HCN1: variants seen among roughly 807,000 people sequenced by gnomAD.
The protein encoded by HCN1 is potassium/sodium hyperpolarization-activated cyclic nucleotide-gated channel 1.
A neutral mutation model predicts 78.9 loss-of-function variants in HCN1; 13 were observed. The ratio of observed to expected loss-of-function variants is 0.16; its 90% confidence interval spans 0.11 to 0.26. HCN1 has a LOEUF of 0.26. Among genes scored for constraint, HCN1 ranks in the 10% least tolerant of loss-of-function variants. The pLI is 1.00. For missense variants in HCN1, 810 were observed against 1,154.3 expected, an observed-to-expected ratio of 0.70 and a Z score of 4.32; for synonymous variants, 552 against 455.5, an observed-to-expected ratio of 1.21 and a Z score of -2.70.
chr5:45,500,931 C>G (rs1335120614), intron 2 of HCN1, among the ~76,000 whole-genome samples: 1 of 152,176 alleles, frequency 6.6e-6, no homozygotes, highest in Non-Finnish European at 1.5e-5. Context: ...ACAAAATTCA[C>G]ATCAACAAAT....
rs902635416 is a variant in HCN1, at chr5:45,255,383, A to G, written c.*6538T>C. The G allele has an allele frequency of 1.3e-5, 2 of 152,112 alleles. No individual in the cohort carries two copies. The highest frequency in any genetic ancestry group is 4.8e-5 in the African/African-American group (2 of 41,412). The allele number at this position is 152,112 out of a possible 1,614,324, so 9.4% of individuals were successfully genotyped here. On this transcript the variant is annotated 3_prime_UTR_variant, in exon 8 of 8. Transcript: ENST00000303230. ...CCTCCTCTAGGACTTACTAGTTCCA[A>G]TTTTTTCAATATTAATACACATATG...
chr5:45,498,785 T>C (rs1240791508), intron 2 of HCN1, among the ~76,000 whole-genome samples: 1 of 152,124 alleles, frequency 6.6e-6, no homozygotes, highest in Non-Finnish European at 1.5e-5. Flanking sequence ...TTGTGTTTGT[T>C]AGTTTTCCTT....
chr5:45,627,549 C>G (rs1745193100), intron 2 of HCN1, among the ~76,000 whole-genome samples: 1 of 152,144 alleles, frequency 6.6e-6, no homozygotes. Context: ...TCCTACATTT[C>G]TGCTGTAACA....
At chr5:45,406,198 A>G (rs1005289354) in intron 3 of HCN1, among the ~76,000 whole-genome samples, 7 of 152,148 alleles carry the variant, frequency 4.6e-5, no homozygotes, top group African/African-American at 1.7e-4. Flanking sequence ...GTGATGTTTC[A>G]ATTACAATTA....
intron 1 of HCN1, among the ~76,000 whole-genome samples, chr5:45,654,803 C>G (rs1299548336): frequency 1.3e-5 from 2 of 152,120 alleles, no homozygotes; most frequent in African/African-American, 4.8e-5. Context: ...GAATTATTTT[C>G]TGTCTAATTA....
At chr5:45,481,164 G>A (rs1332355792) in intron 2 of HCN1, among the ~76,000 whole-genome samples, 4 of 152,290 alleles carry the variant, frequency 2.6e-5, no homozygotes, top group Admixed American at 6.5e-5. Context: ...AACACATTCT[G>A]GCATTGACTT....
At chr5:45,342,581 A>G (rs1272817155) in intron 5 of HCN1, among the ~76,000 whole-genome samples, 1 of 152,082 alleles carries the variant, frequency 6.6e-6, no homozygotes, top group Non-Finnish European at 1.5e-5. Flanking sequence ...ATTGAAGTAT[A>G]TTTCCAAAAG....
intron 6 of HCN1, among the ~76,000 whole-genome samples, chr5:45,296,934 G>C (rs1364711982): frequency 6.6e-6 from 1 of 151,870 alleles, no homozygotes; most frequent in Non-Finnish European, 1.5e-5. Context: ...TATCCACAAG[G>C]AAATTGGATC....
intron 2 of HCN1, among the ~76,000 whole-genome samples, chr5:45,567,558 TACACACACAC>T (rs36230541): frequency 0.011 from 1,416 of 132,976 alleles, 12 homozygotes; most frequent in African/African-American, 0.016. Flanking sequence ...CATTTTAGGC[TACACACACAC>T]ACACACACAC....
chr5:45,585,162 C>T lies in HCN1; in HGVS notation c.849+60023G>A, dbSNP rs191961492. 4.0e-3 allele frequency among the ~76,000 whole-genome samples: 613 copies of T among 152,288 alleles called. 1 individual carries two copies. The highest frequency in any genetic ancestry group is 5.5e-3 in the Non-Finnish European group (372 of 68,018). ...GCATTCTCCCCGTCACTTTCAGGTA[C>T]ACCAATCAGATGTAGATTTGGCCTT... is the stretch of plus-strand genomic sequence containing the variant. On this transcript the variant is annotated intron_variant, in intron 2 of 7. Coordinates refer to ENST00000303230, the MANE Select transcript of HCN1 (RefSeq NM_021072.4).
chr5:45,571,208 T>C (rs1743826131), intron 2 of HCN1, among the ~76,000 whole-genome samples: 1 of 152,180 alleles, frequency 6.6e-6, no homozygotes. Context: ...TTCATTGGTG[T>C]GTCCACTAGT....
intron 2 of HCN1, among the ~76,000 whole-genome samples, chr5:45,625,622 T>C (rs1207289712): frequency 6.6e-6 from 1 of 151,052 alleles, no homozygotes; most frequent in Non-Finnish European, 1.5e-5. Flanking sequence ...GAGAAAACTT[T>C]AAAAAAAAGA....
chr5:45,434,306 C>T lies in HCN1; in HGVS notation c.1011+27540G>A, dbSNP rs113714761. Among the ~76,000 whole-genome samples the T allele has an allele frequency of 7.4e-3, 1,123 of 152,284 alleles. 13 individuals are homozygous for T. The highest frequency in any genetic ancestry group is 0.026 in the African/African-American group (1,077 of 41,564). On this transcript the variant is annotated intron_variant, in intron 3 of 7. Transcript: ENST00000303230. ...TATTGGTAATACCCTTGGAGACACA[C>T]TTGTGGTCTGTCCTTTAGGACATCT...
At chr5:45,642,538 G>C (rs536450765) in intron 2 of HCN1, 11 of 152,044 alleles carry the variant, frequency 7.2e-5, no homozygotes, top group Admixed American at 5.9e-4. Flanking sequence ...ATTTAGAACA[G>C]TGGCAGCTTC....
intron 2 of HCN1, among the ~76,000 whole-genome samples, chr5:45,520,819 G>C (rs1364490730): frequency 6.6e-6 from 1 of 151,876 alleles, no homozygotes; most frequent in African/African-American, 2.4e-5. Context: ...GAGATGAAAA[G>C]ACATACTACT....
intron 1 of HCN1, among the ~76,000 whole-genome samples, chr5:45,681,328 G>T (rs1288334865): frequency 3.3e-5 from 5 of 151,978 alleles, no homozygotes; most frequent in Admixed American, 2.6e-4. Context: ...TGTTTGTTTG[G>T]ATTTTGATCT....
At chr5:45,530,799 T>C (rs182094228) in intron 2 of HCN1, among the ~76,000 whole-genome samples, 10 of 152,286 alleles carry the variant, frequency 6.6e-5, no homozygotes, top group African/African-American at 2.2e-4. Context: ...ATTATTAACA[T>C]AACCATTTGA....
At chr5:45,603,294 G>T (rs1369516146) in intron 2 of HCN1, among the ~76,000 whole-genome samples, 1 of 151,922 alleles carries the variant, frequency 6.6e-6, no homozygotes, top group African/African-American at 2.4e-5. Context: ...GATATATATG[G>T]ATCGTAGATG....
rs781134292 is a variant in HCN1 at position 45,262,365 on chromosome 5, C to A, written c.2229G>T (p.Pro743=). ...QPQQQVQQSQ[P]PQTQPQQPSP... is the part of the protein sequence containing the mutation. ...ACGGCTGCTGTGGCTGAGTCTGCGG[C>A]GGCTGGGACTGCTGTACCTGCTGCT... Residue 743 remains proline, a synonymous_variant, in exon 8 of 8, where the codon CCG becomes CCT. Transcript: ENST00000303230. 6.2e-7 allele frequency: 1 copy of A among 1,612,282 alleles called. No homozygotes were observed. Among genetic ancestry groups the A allele is most frequent in the South Asian group, 1.1e-5 (1 of 91,030 alleles).
Sources: gnomAD v4.1 joint callset for allele counts (sites outside exome capture counted in the v4.1 genomes callset) on GRCh38, gnomAD v4.1.1 for gene constraint, MANE v1.5 for transcripts, NCBI Gene and HGNC (gene_info 2026-07-23, HGNC 2026-07-21) for gene names.